The following BTRC variants were observed in gnomAD, a reference collection of about 807,000 sequenced individuals.
BTRC encodes F-box/WD repeat-containing protein 1A.
BTRC carries 42 observed loss-of-function variants against 85.5 expected under a neutral mutation model. That is an observed-to-expected ratio of 0.49 (90% CI 0.38 to 0.64). BTRC has a LOEUF of 0.64. Ranked by LOEUF, BTRC falls within the 30% of genes least tolerant of loss-of-function variation. BTRC has a pLI of 0.00. For missense variants in BTRC, 594 were observed against 743.5 expected, an observed-to-expected ratio of 0.80 and a Z score of 2.34; for synonymous variants, 255 against 263.3, an observed-to-expected ratio of 0.97 and a Z score of 0.30.
intron 2 of BTRC, among the ~76,000 whole-genome samples, chr10:101,438,422 CAAAAAAAAAA>C (rs34955428): frequency 3.5e-5 from 2 of 57,776 alleles, no homozygotes; most frequent in African/African-American, 7.7e-5. Context: ...GAGACTGCCT[CAAAAAAAAAA>C]AAAAAAAAAA....
chr10:101,454,996 A>C (rs1945038527), intron 2 of BTRC, among the ~76,000 whole-genome samples: 2 of 152,188 alleles, frequency 1.3e-5, no homozygotes, highest in South Asian at 4.1e-4. Context: ...TTTTAGGGAA[A>C]GACCATTACG....
chr10:101,406,068 A>G (rs368073226), intron 1 of BTRC, among the ~76,000 whole-genome samples: 3 of 151,698 alleles, frequency 2.0e-5, no homozygotes, highest in East Asian at 3.9e-4. Flanking sequence ...TTTAGTTCTG[A>G]GTTTTTTGCT....
At chr10:101,381,730 T>G (rs1467124717) in intron 1 of BTRC, among the ~76,000 whole-genome samples, 3 of 152,112 alleles carry the variant, frequency 2.0e-5, no homozygotes, top group African/African-American at 7.2e-5. Context: ...ATTATCTAAT[T>G]GTTAACATTT....
At chr10:101,473,465 C>CTTTTTTTTTTTTTT (rs869163139) in intron 3 of BTRC, among the ~76,000 whole-genome samples, 1 of 96,772 alleles carries the variant, frequency 1.0e-5, no homozygotes, top group African/African-American at 4.4e-5. Flanking sequence ...TCTTTTTTCT[C>CTTTTTTTTTTTTTT]TTTTTTTTTT....
At chr10:101,501,465 G>A (rs557093924) in intron 4 of BTRC, among the ~76,000 whole-genome samples, 16 of 152,230 alleles carry the variant, frequency 1.1e-4, no homozygotes, top group Admixed American at 5.2e-4. Flanking sequence ...CTTTAGCATC[G>A]TGTTGCCTCA....
chr10:101,503,200 T>G (rs1946437916), intron 4 of BTRC, among the ~76,000 whole-genome samples: 2 of 152,174 alleles, frequency 1.3e-5, no homozygotes. Context: ...GAAAGACATT[T>G]AAGCTTGCTT....
intron 1 of BTRC, among the ~76,000 whole-genome samples, chr10:101,378,520 ATTT>A (rs368968037): frequency 1.2e-4 from 12 of 97,050 alleles, no homozygotes; most frequent in East Asian, 7.8e-4. Context: ...CCCAATTATA[ATTT>A]TTTTTTTTTT....
intron 1 of BTRC, among the ~76,000 whole-genome samples, chr10:101,395,556 A>G (rs1187356816): frequency 6.6e-6 from 1 of 152,206 alleles, no homozygotes; most frequent in Non-Finnish European, 1.5e-5. Context: ...AAATGGCTAA[A>G]ATACAAATTG....
At position 101,526,221 on chromosome 10, in the gene BTRC, C is replaced by T. The variant is rs577533940; in HGVS notation, c.743+22C>T. 80 of 1,604,354 alleles carry T rather than the reference C, an allele frequency of 5.0e-5. 2 individuals are homozygous for T. In the South Asian group the frequency reaches 7.6e-4, roughly 15 times the overall value. ...GATGGTGAGCCTTTAACTTTTCTTA[C>T]TCTTATACGGCTTCAGGACCTGGCC... On this transcript the variant is annotated intron_variant, in intron 6 of 14. Coordinates refer to ENST00000370187, the MANE Select transcript of BTRC (RefSeq NM_033637.4).
At position 101,545,976 on chromosome 10, in the gene BTRC, A is replaced by G. The variant is rs1481551640; in HGVS notation, c.1657-4723A>G. Among the ~76,000 whole-genome samples, 7 of 152,374 alleles carry G rather than the reference A, an allele frequency of 4.6e-5. No individual in the cohort carries two copies. The East Asian group carries it at 1.2e-3, about 25-fold the overall frequency. On this transcript the variant is annotated intron_variant, in intron 13 of 14. Coordinates refer to ENST00000370187, the MANE Select transcript of BTRC (RefSeq NM_033637.4). ...AACAGAGCATCAAAACATATGAGGC[A>G]AAAAACCATAGAACTGCAAGGAAAA... is the stretch of plus-strand genomic sequence containing the variant.
chr10:101,434,459 A>G (rs1944476745), intron 2 of BTRC, among the ~76,000 whole-genome samples: 1 of 152,186 alleles, frequency 6.6e-6, no homozygotes, highest in Admixed American at 6.5e-5. Flanking sequence ...ATAGACCTAA[A>G]TCGGAGTTAA....
intron 1 of BTRC, among the ~76,000 whole-genome samples, chr10:101,369,017 T>G (rs948494841): frequency 1.3e-5 from 2 of 152,150 alleles, no homozygotes; most frequent in African/African-American, 4.8e-5. Flanking sequence ...AGACTCCATC[T>G]TAAATAATAA....
chr10:101,382,694 A>G (rs2133962986), intron 1 of BTRC, among the ~76,000 whole-genome samples: 1 of 152,324 alleles, frequency 6.6e-6, no homozygotes, highest in East Asian at 1.9e-4. Flanking sequence ...TAAATATCTT[A>G]TTTCACAACA....
chr10:101,356,157 CACGCCCA>C (rs1942027534), intron 1 of BTRC, among the ~76,000 whole-genome samples: 2 of 152,166 alleles, frequency 1.3e-5, no homozygotes, highest in African/African-American at 4.8e-5. Flanking sequence ...TGTGGGCCAC[CACGCCCA>C]TCTAATTTTT....
intron 1 of BTRC, among the ~76,000 whole-genome samples, chr10:101,389,117 G>T (rs12184385): frequency 0.33 from 17,295 of 52,852 alleles, 4,177 homozygotes; most frequent in Non-Finnish European, 0.43. Context: ...TTTTTTGTGT[G>T]TGTTTTTTTT....
At chr10:101,498,385 A>G (rs977099482) in intron 4 of BTRC, among the ~76,000 whole-genome samples, 1 of 151,694 alleles carries the variant, frequency 6.6e-6, no homozygotes, top group Non-Finnish European at 1.5e-5. Flanking sequence ...GAACTCCTGA[A>G]CTCAGGTGAT....
chr10:101,478,032 G>A (rs1422647739), intron 3 of BTRC, among the ~76,000 whole-genome samples: 2 of 152,264 alleles, frequency 1.3e-5, no homozygotes, highest in East Asian at 3.9e-4. Context: ...CAGTGAGGCT[G>A]CTCTTGCCTG....
intron 1 of BTRC, among the ~76,000 whole-genome samples, chr10:101,389,714 T>C (rs2133979348): frequency 7.1e-6 from 1 of 141,260 alleles, no homozygotes; most frequent in East Asian, 2.3e-4. Flanking sequence ...AGTCTTGACC[T>C]CCTGGGCTCA....
intron 1 of BTRC, among the ~76,000 whole-genome samples, chr10:101,376,215 C>G (rs576262526): frequency 6.6e-6 from 1 of 152,198 alleles, no homozygotes; most frequent in Non-Finnish European, 1.5e-5. Flanking sequence ...AGTCTAGCTA[C>G]TTGGGTGGCT....
Sources: allele counts gnomAD v4.1 joint callset (sites outside exome capture counted in the v4.1 genomes callset), GRCh38; gene constraint gnomAD v4.1.1; transcripts MANE v1.5; gene names NCBI Gene and HGNC (gene_info 2026-07-23, HGNC 2026-07-21).